The following PEG3 variants were observed in gnomAD, a reference collection of about 807,000 sequenced individuals.
The protein encoded by PEG3 is paternally expressed 3.
PEG3 carries 23 observed loss-of-function variants against 35.5 expected under a neutral mutation model. That is an observed-to-expected ratio of 0.65 (90% CI 0.47 to 0.92). The LOEUF is 0.92. Among genes scored for constraint, PEG3 ranks in the 40% least tolerant of loss-of-function variants. The pLI, the probability that PEG3 is intolerant of heterozygous loss-of-function variation, is 0.00. For missense variants in PEG3, 1,960 were observed against 1,985.3 expected, an observed-to-expected ratio of 0.99 and a Z score of 0.24; for synonymous variants, 707 against 697.0, an observed-to-expected ratio of 1.01 and a Z score of -0.23.
In PEG3 at chr19:56,828,426, A is replaced by ACC. The variant is rs1412948435; in HGVS notation, c.-162-1965_-162-1964dup. Among the ~76,000 whole-genome samples the ACC allele has an allele frequency of 5.3e-5, 8 of 152,158 alleles. No homozygotes were observed. The South Asian group carries it at 1.2e-3, about 24-fold the overall frequency. On this transcript the variant is annotated intron_variant, in intron 2 of 9. Coordinates refer to ENST00000326441, the MANE Select transcript of PEG3 (RefSeq NM_006210.3). ...TCCACTTCTGAAATCTAACTCACAG[A>ACC]CCCATCTGCCCATGTGCACAAAGAT...
chr19:56,814,359 ATCT>A lies in PEG3; in HGVS notation c.4080_4082del (p.Glu1360del), dbSNP rs572444111. 84 of 1,612,230 alleles carry A rather than the reference ATCT, an allele frequency of 5.2e-5. No homozygotes were observed. The highest frequency in any genetic ancestry group is 3.3e-4 in the Middle Eastern group (2 of 6,060). Reference sequence around the variant, plus strand: ...CTGCTGCTGCAGCTGCTGCTGCTTCATCTTCTTCTTCTTCTTCCAGATGAAGCT... The same window carrying A: ...CTGCTGCTGCAGCTGCTGCTGCTTCATCTTCTTCTTCTTCCAGATGAAGCT... On this transcript the variant is annotated inframe_deletion, in exon 10 of 10. Transcript: ENST00000326441. This position sits in a 1 kb window ranked among gnomAD's most constrained non-coding sequence, Gnocchi z 5.8.
chr19:56,828,065 A>G (rs1468308956), intron 2 of PEG3, among the ~76,000 whole-genome samples: 1 of 152,210 alleles, frequency 6.6e-6, no homozygotes, highest in Non-Finnish European at 1.5e-5. Flanking sequence ...AAGTTAAAAC[A>G]AAACAATAAA....
chr19:56,838,878 T>C (rs1018500424), intron 1 of PEG3, among the ~76,000 whole-genome samples: 1 of 152,036 alleles, frequency 6.6e-6, no homozygotes, highest in Non-Finnish European at 1.5e-5. Context: ...CCCACACCTA[T>C]GCGGCAAACC....
rs2060302083 is a variant in PEG3 at position 56,819,792 on chromosome 19, T to C, written c.670-1090A>G. 2.6e-5 allele frequency among the ~76,000 whole-genome samples: 4 copies of C among 152,174 alleles called. No individual in the cohort carries two copies. In the South Asian group the frequency reaches 8.3e-4, roughly 32 times the overall value. On this transcript the variant is annotated intron_variant, in intron 7 of 9. Coordinates refer to ENST00000326441, the MANE Select transcript of PEG3 (RefSeq NM_006210.3). The stretch of plus-strand genomic sequence containing the variant: ...TTATGTAAAGGAAATACAAATGTCT[T>C]GATATTAAATCTACCATAGTTCTAT...
intron 1 of PEG3, among the ~76,000 whole-genome samples, chr19:56,838,849 G>A (rs986906162): frequency 6.6e-6 from 1 of 152,152 alleles, no homozygotes; most frequent in African/African-American, 2.4e-5. Context: ...CCGTGGCCCC[G>A]CCCCTCCCTG....
Position 56,814,253 on chromosome 19 carries a change from G to A in PEG3, c.4189C>T (p.Pro1397Ser). The A allele has an allele frequency of 6.2e-7, 1 of 1,613,346 alleles. No individual in the cohort carries two copies. The highest frequency in any genetic ancestry group is 8.5e-7 in the Non-Finnish European group (1 of 1,179,910). Reference sequence around the variant, plus strand: ...TCTGGCTCGGCAGCCTCCACTTCTGGCTCAGCAGCCTCTACGTTTAAGCCC... The same window carrying A: ...TCTGGCTCGGCAGCCTCCACTTCTGACTCAGCAGCCTCTACGTTTAAGCCC... ...IQGLNVEAAEPEVEAAEPEVE... is the reference protein window; with the variant it reads ...IQGLNVEAAESEVEAAEPEVE... The change falls in exon 10 of 10, where the codon CCA becomes TCA. Residue 1397 changes from proline (P) to serine (S), a missense_variant. Physicochemically the swap from Pro to Ser is moderately conservative, Grantham distance 74 (BLOSUM62 -1). Around this residue, in one of 5 missense-constraint regions of PEG3, gnomAD observed 416 missense variants for 416.7 expected, o/e 1.00. Transcript: ENST00000326441. The surrounding 1 kb of genome is among the most constrained non-coding windows in gnomAD (Gnocchi z 5.8).
At chr19:56,817,635 G>C in intron 9 of PEG3, 56 bp from the exon 10 acceptor site, 1 of 1,522,598 alleles carries the variant, frequency 6.6e-7, no homozygotes, top group Non-Finnish European at 9.0e-7. Flanking sequence ...AGGACAGTGG[G>C]ACTTGGAGGG....
Position 56,811,664 on chromosome 19 carries a change from T to A in PEG3, c.*2011A>T, listed in dbSNP as rs545673608. On this transcript the variant is annotated 3_prime_UTR_variant, in exon 10 of 10. Coordinates refer to ENST00000326441, the MANE Select transcript of PEG3 (RefSeq NM_006210.3). Reference sequence around the variant, plus strand: ...AGTTCACCCCGACATCAACACTGATTCTCGTTTCAAGAGTCCTTTTCCCAT... The same window carrying A: ...AGTTCACCCCGACATCAACACTGATACTCGTTTCAAGAGTCCTTTTCCCAT... 9.1e-6 allele frequency: 9 copies of A among 985,396 alleles called. No homozygotes were observed. The highest frequency in any genetic ancestry group is 1.1e-5 in the Non-Finnish European group (9 of 829,920). 61.0% of individuals were successfully genotyped at this position (985,396 alleles called of 1,614,324 possible).
rs949931157 is a variant in PEG3, at chr19:56,810,152, A to T, written c.*3523T>A. On this transcript the variant is annotated 3_prime_UTR_variant, in exon 10 of 10. Transcript: ENST00000326441. ...ATGACCACAACCATATTAACAAACC[A>T]AAAACCTGTGCACAGAAACAAGATG... is the stretch of plus-strand genomic sequence containing the variant. The T allele has an allele frequency of 1.0e-6, 1 of 978,072 alleles. No homozygotes were observed. Among genetic ancestry groups the T allele is most frequent in the Non-Finnish European group, 1.2e-6 (1 of 823,326 alleles). 60.6% of individuals were successfully genotyped at this position (978,072 alleles called of 1,614,324 possible).
At chr19:56,835,138 C>T (rs1290210428) in intron 2 of PEG3, among the ~76,000 whole-genome samples, 1 of 152,128 alleles carries the variant, frequency 6.6e-6, no homozygotes, top group Admixed American at 6.5e-5. Flanking sequence ...CATCTCTCAC[C>T]CAGGCCCAAG....
rs73935924 is a variant in PEG3, at chr19:56,831,142, G to T, written c.-162-4679C>A. Among the ~76,000 whole-genome samples, 1,241 of 152,210 alleles carry T rather than the reference G, an allele frequency of 8.2e-3. 12 individuals are homozygous for T. The highest frequency in any genetic ancestry group is 0.028 in the African/African-American group (1,149 of 41,514). ...ACCCTGCATAAGGTCTATTTGGAGT[G>T]GGAGGTGGTTTGTCTGTAAAATGAC... On this transcript the variant is annotated intron_variant, in intron 2 of 9. Transcript: ENST00000326441.
At chr19:56,818,290 C>T (rs1330830362) in intron 8 of PEG3, among the ~76,000 whole-genome samples, 3 of 152,130 alleles carry the variant, frequency 2.0e-5, no homozygotes, top group Non-Finnish European at 4.4e-5. Flanking sequence ...AACTCAGGAT[C>T]CCATCCTGAA....
At chr19:56,828,266 C>G (rs2061251815) in intron 2 of PEG3, among the ~76,000 whole-genome samples, 1 of 152,060 alleles carries the variant, frequency 6.6e-6, no homozygotes, top group Admixed American at 6.5e-5. Flanking sequence ...TTTAGAAAAC[C>G]CTAAAGAATC....
intron 6 of PEG3, 37 bp from the exon 7 acceptor site, chr19:56,821,791 C>CA (rs2060514691): frequency 1.2e-6 from 2 of 1,609,258 alleles, no homozygotes; most frequent in Non-Finnish European, 1.7e-6. Context: ...AAGCAGGGCC[C>CA]AGTCCATCCT....
intron 3 of PEG3, among the ~76,000 whole-genome samples, chr19:56,825,546 T>C (rs2060938566): frequency 7.1e-6 from 1 of 141,526 alleles, no homozygotes; most frequent in South Asian, 2.6e-4. Context: ...TGGACATAAA[T>C]GTAAAGATTT....
chr19:56,834,958 G>A (rs1162057331), intron 2 of PEG3, among the ~76,000 whole-genome samples: 3 of 152,156 alleles, frequency 2.0e-5, no homozygotes, highest in Admixed American at 2.0e-4. Flanking sequence ...TGAACAAACA[G>A]ACAACCTCTA....
Position 56,815,798 on chromosome 19 carries a change from A to G in PEG3, c.2644T>C (p.Cys882Arg), listed in dbSNP as rs2146181213. ...TTGCGATTCTTACTGCCCCCTTCAC[A>G]AGGGTTCTCTCTGGCAGGAATCTTC... ...RQKIPARENP[C>R]EGGSKNRNYE... Residue 882 changes from cysteine (C) to arginine (R), a missense_variant, in exon 10 of 10, where the codon TGT becomes CGT. Physicochemically the swap from Cys to Arg is radical, Grantham distance 180. Coordinates refer to ENST00000326441, the MANE Select transcript of PEG3 (RefSeq NM_006210.3). 3 of 1,613,530 alleles carry G rather than the reference A, an allele frequency of 1.9e-6. No homozygotes were observed. The highest frequency in any genetic ancestry group is 8.5e-7 in the Non-Finnish European group (1 of 1,179,604).
At chr19:56,819,548 G>A (rs1049728705) in intron 7 of PEG3, among the ~76,000 whole-genome samples, 3 of 152,178 alleles carry the variant, frequency 2.0e-5, no homozygotes, top group Non-Finnish European at 4.4e-5. Context: ...GAGGGAGATG[G>A]TGCTGTGGGA....
In PEG3 at chr19:56,815,280, G is replaced by C. The variant is rs2059870194; in HGVS notation, c.3162C>G (p.Asp1054Glu). 1 of 1,614,090 alleles carries C rather than the reference G, an allele frequency of 6.2e-7. No individual in the cohort carries two copies. The highest frequency in any genetic ancestry group is 1.3e-5 in the African/African-American group (1 of 74,940). The stretch of plus-strand genomic sequence containing the variant: ...ACTCCTCGCCATGAGACTTCTCTTG[G>C]TCATAGATTTTCTGGTTTGTGTTGA... ...EDLNTNQKIY[D>E]QEKSHGEESQ... The change falls in exon 10 of 10, where the codon GAC becomes GAG. Residue 1054 changes from aspartate to glutamate, a missense_variant. This residue lies in a region of PEG3 where 798 missense variants were observed against 782.4 expected (regional missense o/e 1.02). Transcript: ENST00000326441.
Sources: allele counts gnomAD v4.1 joint callset (sites outside exome capture counted in the v4.1 genomes callset), GRCh38; gene constraint gnomAD v4.1.1; regional missense constraint gnomAD v4.1.1; non-coding constraint Gnocchi (gnomAD v3.1); transcripts MANE v1.5; gene names NCBI Gene and HGNC (gene_info 2026-07-23, HGNC 2026-07-21).